Variants in TUBB8 observed in about 807,000 individuals in gnomAD.
TUBB8 encodes the protein tubulin beta 8 class VIII.
In TUBB8, 25 loss-of-function variants were observed where a neutral mutation model predicts 33.7. That is an observed-to-expected ratio of 0.74 (90% CI 0.54 to 1.04). The LOEUF (loss-of-function observed/expected upper bound fraction) is 1.04. TUBB8 is among the 50% of genes least tolerant of loss of function. TUBB8 has a pLI of 0.00. For missense variants in TUBB8, 279 were observed against 608.0 expected (o/e 0.46, Z 5.69); for synonymous variants, 245 against 240.1 (o/e 1.02, Z -0.19).
rs368079015 is a variant in TUBB8, at chr10:47,460, A to G, written c.932T>C (p.Leu311Pro). 1 of 1,609,134 alleles carries G rather than the reference A, an allele frequency of 6.2e-7. No individual in the cohort carries two copies. Among genetic ancestry groups the G allele is most frequent in the African/African-American group, 1.3e-5 (1 of 74,888 alleles). ...ACCCCTGAAAATGGCAGCCGCCGTT[A>G]GGTAGCGGCCGTGACGGGGGTCACA... is the stretch of plus-strand genomic sequence containing the variant. ...AACDPRHGRYLTAAAIFRGRM... is the reference protein window; with the variant it reads ...AACDPRHGRYPTAAAIFRGRM... The change falls in exon 4 of 4, where the codon CTA (leucine) becomes CCA (proline). Residue 311 changes from leucine (L) to proline (P), a missense_variant. By Grantham distance (98) the Leu-to-Pro change is moderately conservative. Transcript: ENST00000568584.
chr10:49,698 G>T (rs1218379518), upstream of TUBB8: 6 of 413,388 alleles, frequency 1.5e-5, no homozygotes, highest in Admixed American at 2.7e-5. Context: ...TTCCACATGT[G>T]AACTCAACAG....
At chr10:72,980 A>AGGG (rs1834758310) in intron 1 of TUBB8, among the ~76,000 whole-genome samples, 1 of 145,512 alleles carries the variant, frequency 6.9e-6, no homozygotes, top group African/African-American at 2.7e-5. Flanking sequence ...GGCCAAGGGA[A>AGGG]AAAAAAAAAG....
At chr10:52,931 T>C (rs1173829832), upstream of TUBB8, among the ~76,000 whole-genome samples, 5 of 152,184 alleles carry the variant, frequency 3.3e-5, no homozygotes, top group Admixed American at 6.5e-5. Flanking sequence ...AAGGAGAAAA[T>C]GTATTTCTCA....
intron 1 of TUBB8, among the ~76,000 whole-genome samples, chr10:63,767 T>C (rs1554741204): frequency 2.6e-5 from 4 of 152,244 alleles, no homozygotes; most frequent in Admixed American, 6.5e-5. Context: ...CACATATCTC[T>C]ATTTTTCCAG....
chr10:68,554 G>C (rs151125195), intron 1 of TUBB8, among the ~76,000 whole-genome samples: 4 of 152,292 alleles, frequency 2.6e-5, no homozygotes, highest in African/African-American at 9.6e-5. Context: ...AGTGAAGTTT[G>C]ATGCCATCTC....
chr10:65,230 C>T (rs28376301), intron 1 of TUBB8, among the ~76,000 whole-genome samples: 18,543 of 149,386 alleles, frequency 0.12, no homozygotes, highest in Middle Eastern at 0.2. Flanking sequence ...ACCCAGACCT[C>T]ATCATACTCT....
chr10:75,074 C>T (rs1554742980), upstream of TUBB8, among the ~76,000 whole-genome samples: 1 of 151,418 alleles, frequency 6.6e-6, no homozygotes, highest in Non-Finnish European at 1.5e-5. Flanking sequence ...GGGGTTTTGC[C>T]ATGTTGACCA....
intron 1 of TUBB8, among the ~76,000 whole-genome samples, chr10:65,344 C>T (rs1478852315): frequency 1.3e-5 from 2 of 152,234 alleles, no homozygotes; most frequent in East Asian, 3.8e-4. Flanking sequence ...CCAATCCCAT[C>T]CGCAATTTAA....
At chr10:52,032 T>C (rs564656564), upstream of TUBB8, among the ~76,000 whole-genome samples, 1 of 152,256 alleles carries the variant, frequency 6.6e-6, no homozygotes, top group African/African-American at 2.4e-5. Flanking sequence ...AGGTGGACAG[T>C]CCAAAAAGAG....
At chr10:70,254 G>A (rs530194519) in intron 1 of TUBB8, among the ~76,000 whole-genome samples, 117 of 134,048 alleles carry the variant, frequency 8.7e-4, no homozygotes, top group African/African-American at 3.0e-3. Flanking sequence ...ATATTTTGTT[G>A]TTGTTGTTTT....
At chr10:72,283 G>T (rs550232551) in intron 1 of TUBB8, among the ~76,000 whole-genome samples, 3 of 151,348 alleles carry the variant, frequency 2.0e-5, no homozygotes, top group Non-Finnish European at 4.4e-5. Context: ...AGCCAGGCGT[G>T]GTGGCTCAGG....
chr10:66,458 G>A (rs1196062458), intron 1 of TUBB8, among the ~76,000 whole-genome samples: 3 of 152,156 alleles, frequency 2.0e-5, no homozygotes, highest in African/African-American at 4.8e-5. Context: ...AGGCCAGTCC[G>A]GCCAACACAG....
chr10:56,783 C>T (rs1472429181), intron 1 of TUBB8, among the ~76,000 whole-genome samples: 1 of 152,168 alleles, frequency 6.6e-6, no homozygotes, highest in East Asian at 1.9e-4. Context: ...TAAACTATAT[C>T]ATTTTGCCCC....
chr10:72,254 T>TAA (rs34999592), intron 1 of TUBB8, among the ~76,000 whole-genome samples: 131 of 125,264 alleles, frequency 1.0e-3, no homozygotes, highest in South Asian at 7.6e-3. Flanking sequence ...TTTTTTTAAT[T>TAA]AAAAAAAAAA....
chr10:66,018 G>A (rs375143029), intron 1 of TUBB8, among the ~76,000 whole-genome samples: 8 of 152,244 alleles, frequency 5.3e-5, no homozygotes, highest in South Asian at 4.1e-4. Flanking sequence ...CACCACAATC[G>A]GACTTTAGCA....
chr10:48,403 G>A (rs1834400240), intron 3 of TUBB8: 2 of 646,772 alleles, frequency 3.1e-6, no homozygotes, highest in Non-Finnish European at 2.7e-6. Context: ...CTTGCAGGGA[G>A]TTTACATCAG....
upstream of TUBB8, among the ~76,000 whole-genome samples, chr10:53,019 G>A (rs1834487875): frequency 6.6e-6 from 1 of 152,218 alleles, no homozygotes; most frequent in Non-Finnish European, 1.5e-5. Flanking sequence ...AGTACTCAAA[G>A]ATTTCTCAGG....
rs536693166 is a variant in TUBB8 at position 48,846 on chromosome 10, G to C, written c.124C>G (p.Leu42Val). 228 of 1,600,360 alleles carry C rather than the reference G, an allele frequency of 1.4e-4. No individual in the cohort carries two copies. In the East Asian group the frequency reaches 4.2e-3, roughly 30 times the overall value. The change falls in exon 2 of 4, where the codon CTG (leucine) becomes GTG (valine). Residue 42 changes from leucine to valine, a missense_variant. By Grantham distance (32) the Leu-to-Val change is conservative. This residue lies in a region of TUBB8 where 56 missense variants were observed against 77.9 expected (regional missense o/e 0.72). Transcript: ENST00000568584. ...TACACGTTGATGCGCTCCAGCTGCA[G>C]GTGGCTGTCCCCGTGGTAGGTGCCA... is the stretch of plus-strand genomic sequence containing the variant. ...SAGTYHGDSH[L>V]QLERINVYYN...
intron 1 of TUBB8, among the ~76,000 whole-genome samples, chr10:60,300 T>A (rs1249540576): frequency 1.3e-5 from 2 of 151,906 alleles, no homozygotes; most frequent in Admixed American, 1.3e-4. Flanking sequence ...ACCTACAAAA[T>A]GGGAGAAAAT....
Sources: gnomAD v4.1 joint callset for allele counts (sites outside exome capture counted in the v4.1 genomes callset) on GRCh38, gnomAD v4.1.1 for gene constraint, gnomAD v4.1.1 regional missense constraint, MANE v1.5 for transcripts, NCBI Gene and HGNC (gene_info 2026-07-23, HGNC 2026-07-21) for gene names.